Variants in SEMA3E observed in about 807,000 individuals in gnomAD.
SEMA3E encodes the protein semaphorin-3E.
SEMA3E carries 49 observed loss-of-function variants against 93.6 expected under a neutral mutation model. The observed-to-expected ratio is 0.52, with a 90% CI of 0.42 to 0.66. The LOEUF is 0.66. Ranked by LOEUF, SEMA3E falls within the 30% of genes least tolerant of loss-of-function variation. The pLI, the probability that SEMA3E is intolerant of heterozygous loss-of-function variation, is 0.00. For missense variants in SEMA3E, 906 were observed against 964.8 expected, an observed-to-expected ratio of 0.94 and a Z score of 0.81; for synonymous variants, 363 against 330.7, an observed-to-expected ratio of 1.10 and a Z score of -1.06.
intron 3 of SEMA3E, among the ~76,000 whole-genome samples, chr7:83,468,208 G>T (rs535950760): frequency 6.6e-6 from 1 of 152,134 alleles, no homozygotes; most frequent in South Asian, 2.1e-4. Flanking sequence ...GAGCACACAG[G>T]TACACTTATT....
At chr7:83,632,831 C>G (rs923662552) in intron 1 of SEMA3E, among the ~76,000 whole-genome samples, 3 of 152,050 alleles carry the variant, frequency 2.0e-5, no homozygotes, top group African/African-American at 7.2e-5. Context: ...TGGACTATTA[C>G]AAAATGAAAT....
chr7:83,434,880 AT>A (rs1311858335), intron 4 of SEMA3E, among the ~76,000 whole-genome samples: 2 of 150,774 alleles, frequency 1.3e-5, no homozygotes, highest in African/African-American at 2.4e-5. Flanking sequence ...CGCCCGGCTA[AT>A]TTTTTGTATT....
At chr7:83,620,390 G>C (rs1288618431) in intron 1 of SEMA3E, among the ~76,000 whole-genome samples, 1 of 152,020 alleles carries the variant, frequency 6.6e-6, no homozygotes, top group Non-Finnish European at 1.5e-5. Flanking sequence ...AGGACCAGAT[G>C]GATTTACAGC....
chr7:83,508,699 A>C (rs922619430), intron 1 of SEMA3E, among the ~76,000 whole-genome samples: 2 of 152,202 alleles, frequency 1.3e-5, no homozygotes, highest in Non-Finnish European at 2.9e-5. Context: ...ATTTTAAATT[A>C]TATTTTATTA....
chr7:83,394,222 T>C, intron 13 of SEMA3E, 75 bp downstream of exon 13: 1 of 1,465,646 alleles, frequency 6.8e-7, no homozygotes, highest in South Asian at 1.2e-5. Flanking sequence ...GTACTAATGT[T>C]CTCATATCCT....
At chr7:83,431,635 C>T (rs2115746523) in intron 4 of SEMA3E, among the ~76,000 whole-genome samples, 1 of 151,904 alleles carries the variant, frequency 6.6e-6, no homozygotes, top group African/African-American at 2.4e-5. Flanking sequence ...AACTCCTGAC[C>T]TCAAGTGATC....
chr7:83,379,826 C>G (rs1289468725), intron 16 of SEMA3E, among the ~76,000 whole-genome samples: 3 of 151,860 alleles, frequency 2.0e-5, no homozygotes, highest in African/African-American at 7.2e-5. Context: ...GGGACTGTTG[C>G]AAGGATTAAA....
chr7:83,622,920 C>A (rs1460171740), intron 1 of SEMA3E, among the ~76,000 whole-genome samples: 1 of 152,074 alleles, frequency 6.6e-6, no homozygotes, highest in Non-Finnish European at 1.5e-5. Context: ...GTGCAGCAAA[C>A]CACTATGGCA....
At chr7:83,390,006 CAT>C (rs1326667919) in intron 14 of SEMA3E, among the ~76,000 whole-genome samples, 26 of 127,624 alleles carry the variant, frequency 2.0e-4, no homozygotes, top group African/African-American at 8.1e-4. Context: ...TACGTATACA[CAT>C]ATATACGCGT....
At chr7:83,593,298 G>C (rs879733849) in intron 1 of SEMA3E, among the ~76,000 whole-genome samples, 3,071 of 39,030 alleles carry the variant, frequency 0.079, 80 homozygotes, top group African/African-American at 0.3. Context: ...GTGTGTGTGT[G>C]TGTGTGTGTG....
intron 16 of SEMA3E, among the ~76,000 whole-genome samples, chr7:83,369,100 T>C (rs73169960): frequency 0.16 from 23,849 of 152,186 alleles, 2,030 homozygotes; most frequent in Middle Eastern, 0.21. Context: ...TGTTTTCCTG[T>C]GGCCCAGGAT....
At chr7:83,616,554 T>C (rs1456918934) in intron 1 of SEMA3E, 1 of 302,364 alleles carries the variant, frequency 3.3e-6, no homozygotes, top group African/African-American at 2.3e-5. Flanking sequence ...TTCCCTGCTG[T>C]TTTTCAAAAG....
chr7:83,528,889 GA>G (rs1302125688), intron 1 of SEMA3E, among the ~76,000 whole-genome samples: 1 of 152,012 alleles, frequency 6.6e-6, no homozygotes. Flanking sequence ...ATTTTTTAAT[GA>G]ATTATACTAT....
intron 1 of SEMA3E, among the ~76,000 whole-genome samples, chr7:83,618,463 T>C (rs1254188198): frequency 6.6e-6 from 1 of 151,992 alleles, no homozygotes; most frequent in Non-Finnish European, 1.5e-5. Flanking sequence ...GAGTTTGTAT[T>C]TAATAGTATC....
At chr7:83,493,653 G>A (rs75883430) in intron 1 of SEMA3E, among the ~76,000 whole-genome samples, 3,705 of 151,946 alleles carry the variant, frequency 0.024, 142 homozygotes, top group African/African-American at 0.084. Context: ...CCTGACCAAT[G>A]CCATTCAACA....
At chr7:83,632,330 A>G (rs921199692) in intron 1 of SEMA3E, among the ~76,000 whole-genome samples, 2 of 152,178 alleles carry the variant, frequency 1.3e-5, no homozygotes, top group African/African-American at 4.8e-5. Context: ...ACCTATGACA[A>G]AAGAGCATGA....
At chr7:83,421,312 A>G (rs1158522747) in intron 4 of SEMA3E, among the ~76,000 whole-genome samples, 1 of 142,004 alleles carries the variant, frequency 7.0e-6, no homozygotes, top group Admixed American at 7.0e-5. Flanking sequence ...CAATTTTAAT[A>G]TAAGGCTTCA....
intron 1 of SEMA3E, among the ~76,000 whole-genome samples, chr7:83,603,270 C>T (rs900115255): frequency 1.9e-4 from 29 of 152,076 alleles, no homozygotes; most frequent in African/African-American, 5.8e-4. Context: ...TGTAAATAAA[C>T]ATGAACATAA....
intron 4 of SEMA3E, among the ~76,000 whole-genome samples, chr7:83,420,504 G>C (rs1788651628): frequency 6.6e-6 from 1 of 152,018 alleles, no homozygotes; most frequent in Admixed American, 6.6e-5. Context: ...CCAAAGTAAT[G>C]CTAAGCAAAC....
Sources: allele counts gnomAD v4.1 joint callset (sites outside exome capture counted in the v4.1 genomes callset), GRCh38; gene constraint gnomAD v4.1.1; transcripts MANE v1.5; gene names NCBI Gene and HGNC (gene_info 2026-07-23, HGNC 2026-07-21).